CSPP1: variants seen among roughly 807,000 people sequenced by gnomAD.
The protein encoded by CSPP1 is centrosome and spindle pole associated protein 1.
Under a neutral mutation model 164.4 loss-of-function variants are expected in CSPP1, and 126 were observed. That is an observed-to-expected ratio of 0.77 (90% CI 0.66 to 0.89). The LOEUF (loss-of-function observed/expected upper bound fraction) is 0.89, where lower values mean the gene tolerates loss of function less well. Among genes scored for constraint, CSPP1 ranks in the 40% least tolerant of loss-of-function variants. The probability of loss-of-function intolerance (pLI) is 0.00; values close to 1 mark genes in which losing one functional copy is unlikely to be tolerated. For synonymous variants in CSPP1, 472 were observed against 476.7 expected (o/e 0.99, Z 0.13); for missense variants, 1,395 against 1,449.8 (o/e 0.96, Z 0.61).
chr8:67,105,310 C>T (rs908425774), intron 8 of CSPP1, among the ~76,000 whole-genome samples: 3 of 151,930 alleles, frequency 2.0e-5, no homozygotes, highest in Non-Finnish European at 2.9e-5. Context: ...CAGGTGTTAG[C>T]CACCACGCCC....
intron 3 of CSPP1, among the ~76,000 whole-genome samples, chr8:67,082,103 A>C (rs998587234): frequency 6.6e-6 from 1 of 152,208 alleles, no homozygotes; most frequent in Non-Finnish European, 1.5e-5. Flanking sequence ...GCTGGAGTGC[A>C]GTGGCGCGAT....
chr8:67,106,103 TTACAC>T (rs1438702812), intron 9 of CSPP1, 128 bp downstream of exon 9: 4 of 607,772 alleles, frequency 6.6e-6, no homozygotes. Flanking sequence ...AGTGCTTACT[TTACAC>T]TAGGTACTAT....
chr8:67,132,060 C>G lies in CSPP1; in HGVS notation c.1807C>G (p.Gln603Glu). The G allele has an allele frequency of 6.2e-7, 1 of 1,612,396 alleles. No individual in the cohort carries two copies. Among genetic ancestry groups the G allele is most frequent in the East Asian group, 2.2e-5 (1 of 44,790 alleles). Residue 603 changes from glutamine (Q) to glutamate (E), a missense_variant, in exon 16 of 31, where the codon CAA becomes GAA. Transcript: ENST00000678616. ...TTCCAAACAGTCACTTCAGTCTTAC[C>G]AAGAGGCTTTGCAGCAGCAGGTATT... ...KPSKQSLQSY[Q>E]EALQQQIRER...
At chr8:67,195,303 T>TG (rs1837693105) in intron 30 of CSPP1, 79 bp from the exon 31 acceptor site, 3 of 859,208 alleles carry the variant, frequency 3.5e-6, no homozygotes, top group Admixed American at 3.4e-5. Flanking sequence ...TGTAATGAGT[T>TG]GGACTACAAG....
chr8:67,069,175 A>T (rs1271465020), intron 1 of CSPP1: 1 of 152,196 alleles, frequency 6.6e-6, no homozygotes, highest in African/African-American at 2.4e-5. Flanking sequence ...ATCCAACTTA[A>T]CTGTGGTAGT....
chr8:67,096,137 T>TA (rs1466226522), intron 7 of CSPP1, among the ~76,000 whole-genome samples: 1 of 152,208 alleles, frequency 6.6e-6, no homozygotes, highest in Non-Finnish European at 1.5e-5. Flanking sequence ...TCCGAATTCA[T>TA]ACTGCCAGTA....
intron 26 of CSPP1, among the ~76,000 whole-genome samples, chr8:67,176,534 G>A (rs1831684855): frequency 1.3e-5 from 2 of 152,126 alleles, no homozygotes; most frequent in Admixed American, 1.3e-4. Flanking sequence ...TAAGCAGTAG[G>A]TATATCATCT....
rs1168898357 is a variant in CSPP1 at position 67,196,525 on chromosome 8, T to C, written c.*932T>C. Among the ~76,000 whole-genome samples, 3 of 152,176 alleles carry C rather than the reference T, an allele frequency of 2.0e-5. No homozygotes were observed. Among genetic ancestry groups the C allele is most frequent in the African/African-American group, 7.2e-5 (3 of 41,444 alleles). ...GCTGAGAACATCCCCAGGCACTGCTTCTCTCTCTAATAATACTTCCTCTGA... is the reference window on the plus strand; with the variant it reads ...GCTGAGAACATCCCCAGGCACTGCTCCTCTCTCTAATAATACTTCCTCTGA... On this transcript the variant is annotated 3_prime_UTR_variant, in exon 31 of 31. Transcript: ENST00000678616.
chr8:67,182,307 C>A (rs576795918), intron 28 of CSPP1, among the ~76,000 whole-genome samples: 2 of 147,668 alleles, frequency 1.4e-5, no homozygotes, highest in African/African-American at 5.3e-5. Context: ...CACACCCAGC[C>A]AGATTTCCCC....
intron 3 of CSPP1, chr8:67,083,563 A>G (rs975020722): frequency 6.9e-6 from 1 of 144,018 alleles, no homozygotes; most frequent in African/African-American, 2.6e-5. Flanking sequence ...ATATATATAT[A>G]TATATATATA....
At position 67,196,569 on chromosome 8, in the gene CSPP1, G is replaced by A. The variant is rs948299380; in HGVS notation, c.*976G>A. On this transcript the variant is annotated 3_prime_UTR_variant, in exon 31 of 31. Coordinates refer to ENST00000678616, the MANE Select transcript of CSPP1 (RefSeq NM_001382391.1). Reference sequence around the variant, plus strand: ...CCTCTGATGTAATTAACGGTTGGTAGACAATATCAGACAAATTTGCCACAA... The same window carrying A: ...CCTCTGATGTAATTAACGGTTGGTAAACAATATCAGACAAATTTGCCACAA... Among the ~76,000 whole-genome samples, 3 of 152,196 alleles carry A rather than the reference G, an allele frequency of 2.0e-5. No homozygotes were observed. The highest frequency in any genetic ancestry group is 7.2e-5 in the African/African-American group (3 of 41,442).
chr8:67,127,256 G>A (rs187362598), intron 15 of CSPP1, among the ~76,000 whole-genome samples: 30 of 152,232 alleles, frequency 2.0e-4, no homozygotes, highest in South Asian at 4.1e-4. Context: ...AGACTGGGTG[G>A]CTTAAACAAC....
chr8:67,154,129 G>T lies in CSPP1; in HGVS notation c.2234G>T (p.Arg745Leu). The change falls in exon 19 of 31, where the codon CGT becomes CTT. Residue 745 changes from arginine (R) to leucine (L), a missense_variant. Arg to Leu is a moderately radical substitution (Grantham distance 102). Coordinates refer to ENST00000678616, the MANE Select transcript of CSPP1 (RefSeq NM_001382391.1). ...CAAGAATTATACAAGAATTTTCTTC[G>T]TTTCCAGGTGAAATGCTATTTGATC... is the stretch of plus-strand genomic sequence containing the variant. ...KQQELYKNFL[R>L]FQIEEKKQRE... The T allele has an allele frequency of 6.8e-7, 1 of 1,471,954 alleles. No individual in the cohort carries two copies. The highest frequency in any genetic ancestry group is 1.1e-5 in the South Asian group (1 of 87,168). 91.2% of individuals were successfully genotyped at this position (1,471,954 alleles called of 1,614,324 possible). A position where few individuals can be genotyped will look rare whatever the true frequency, so the allele number is the denominator to read the frequency against.
intron 9 of CSPP1, among the ~76,000 whole-genome samples, chr8:67,111,158 G>C: frequency 6.6e-6 from 1 of 152,112 alleles, no homozygotes. Context: ...TAGTGTTCCA[G>C]ATCTTGCATA....
At chr8:67,185,207 GGTT>G (rs1458689641) in intron 28 of CSPP1, among the ~76,000 whole-genome samples, 3 of 152,160 alleles carry the variant, frequency 2.0e-5, no homozygotes, top group Non-Finnish European at 4.4e-5. Flanking sequence ...CTTGAGAAGT[GGTT>G]GTTTATCTCC....
intron 6 of CSPP1, among the ~76,000 whole-genome samples, chr8:67,094,649 G>A (rs1344041328): frequency 6.6e-6 from 1 of 151,842 alleles, no homozygotes; most frequent in Non-Finnish European, 1.5e-5. Context: ...GGCTGGTCTT[G>A]AACTCCCAGG....
chr8:67,134,446 C>G (rs1821832498), intron 16 of CSPP1: 1 of 151,202 alleles, frequency 6.6e-6, no homozygotes, highest in African/African-American at 2.4e-5. Flanking sequence ...TAGGTCTCAA[C>G]AGTGGACTTA....
chr8:67,170,537 C>T (rs576641576), intron 24 of CSPP1, among the ~76,000 whole-genome samples: 5 of 152,212 alleles, frequency 3.3e-5, no homozygotes, highest in South Asian at 4.1e-4. Context: ...ATGATGGAAT[C>T]GAGGTCAAAC....
At chr8:67,078,338 C>T (rs994848386) in intron 3 of CSPP1, among the ~76,000 whole-genome samples, 1 of 151,922 alleles carries the variant, frequency 6.6e-6, no homozygotes, top group East Asian at 1.9e-4. Flanking sequence ...ATTTCTTTTT[C>T]TCCTTAACAT....
Sources: allele counts gnomAD v4.1 joint callset (sites outside exome capture counted in the v4.1 genomes callset), GRCh38; gene constraint gnomAD v4.1.1; transcripts MANE v1.5; gene names NCBI Gene and HGNC (gene_info 2026-07-23, HGNC 2026-07-21).